AEBP2: variants seen among roughly 807,000 people sequenced by gnomAD.
The protein encoded by AEBP2 is AE binding protein 2, also known as zinc finger protein AEBP2.
In AEBP2, 10 loss-of-function variants were observed where a neutral mutation model predicts 50.8. The ratio of observed to expected loss-of-function variants is 0.20; its 90% confidence interval spans 0.12 to 0.33. The LOEUF is 0.33. Among genes scored for constraint, AEBP2 ranks in the 10% least tolerant of loss-of-function variants. The pLI is 1.00. For synonymous variants in AEBP2, 296 were observed against 261.3 expected (o/e 1.13, Z -1.28); for missense variants, 570 against 688.0 (o/e 0.83, Z 1.92).
upstream of AEBP2, among the ~76,000 whole-genome samples, chr12:19,435,187 T>C (rs1037445861): frequency 6.6e-6 from 1 of 151,834 alleles, no homozygotes; most frequent in African/African-American, 2.4e-5. Flanking sequence ...TGAAGTGCAG[T>C]GGTGCTTGGC....
chr12:19,512,157 G>A (rs1407596891), intron 5 of AEBP2, among the ~76,000 whole-genome samples: 1 of 152,024 alleles, frequency 6.6e-6, no homozygotes, highest in Non-Finnish European at 1.5e-5. Context: ...GAGTAGCTGG[G>A]ACTGCAGAAG....
At chr12:19,434,187 T>G (rs2095753050) in intron 1 of AEBP2, among the ~76,000 whole-genome samples, 1 of 151,570 alleles carries the variant, frequency 6.6e-6, no homozygotes, top group African/African-American at 2.4e-5. Context: ...TTTTTTTTTT[T>G]TTTGAGATGG....
chr12:19,479,717 G>GGTTTTTTTT (rs1948697902), intron 3 of AEBP2, among the ~76,000 whole-genome samples: 1 of 22,314 alleles, frequency 4.5e-5, no homozygotes, highest in Non-Finnish European at 9.0e-5. Context: ...CTCTTTGTGG[G>GGTTTTTTTT]TTTTTTTTTT....
intron 3 of AEBP2, among the ~76,000 whole-genome samples, chr12:19,493,142 C>T (rs1948919428): frequency 6.6e-6 from 1 of 152,186 alleles, no homozygotes; most frequent in Non-Finnish European, 1.5e-5. Context: ...TGGCTTACAC[C>T]TGTAATCCCA....
chr12:19,513,083 A>G (rs1390056793), intron 6 of AEBP2, among the ~76,000 whole-genome samples: 1 of 152,194 alleles, frequency 6.6e-6, no homozygotes, highest in Non-Finnish European at 1.5e-5. Context: ...TCTCAAAAAT[A>G]AAAAAGTAGT....
intron 4 of AEBP2, 99 bp from the exon 5 acceptor site, chr12:19,499,998 T>C: frequency 9.0e-7 from 1 of 1,106,076 alleles, no homozygotes. Flanking sequence ...TGAATTTAAA[T>C]ACTATTGATA....
At chr12:19,419,595 T>C (rs1179642101) in intron 1 of AEBP2, among the ~76,000 whole-genome samples, 2 of 123,876 alleles carry the variant, frequency 1.6e-5, no homozygotes, top group Admixed American at 8.4e-5. Flanking sequence ...TCTCAAAAAA[T>C]AATAATAAAA....
At chr12:19,449,160 C>G (rs1177953402) in intron 1 of AEBP2, among the ~76,000 whole-genome samples, 1 of 151,998 alleles carries the variant, frequency 6.6e-6, no homozygotes, top group Non-Finnish European at 1.5e-5. Context: ...TGATATTTTT[C>G]CTCAAAATTT....
chr12:19,483,333 C>T (rs976343958), intron 3 of AEBP2, among the ~76,000 whole-genome samples: 2 of 152,202 alleles, frequency 1.3e-5, no homozygotes, highest in African/African-American at 4.8e-5. Context: ...AGGTTAAATC[C>T]GTCTCGTCTC....
At chr12:19,456,930 G>T in intron 1 of AEBP2, 1 of 1,457,646 alleles carries the variant, frequency 6.9e-7, no homozygotes, top group Non-Finnish European at 9.6e-7. Flanking sequence ...TTGGTGGTAG[G>T]ATGTAGTCCA....
At chr12:19,498,694 T>G (rs1253420059) in intron 4 of AEBP2, among the ~76,000 whole-genome samples, 1 of 152,180 alleles carries the variant, frequency 6.6e-6, no homozygotes, top group Admixed American at 6.5e-5. Context: ...CAACTTATTT[T>G]GAGCAACTTT....
intron 1 of AEBP2, chr12:19,413,271 T>A: frequency 8.0e-7 from 1 of 1,255,904 alleles, no homozygotes; most frequent in East Asian, 2.3e-5. Flanking sequence ...TTAGCACTTG[T>A]AAAGCCTGAA....
chr12:19,438,273 A>G (rs1007174935), upstream of AEBP2, among the ~76,000 whole-genome samples: 1 of 152,230 alleles, frequency 6.6e-6, no homozygotes, highest in Non-Finnish European at 1.5e-5. Context: ...CAGATCATTA[A>G]AAGTATTTTT....
chr12:19,500,168 T>A lies in AEBP2; in HGVS notation c.1246T>A (p.Ser416Thr). 1 of 1,598,646 alleles carries A rather than the reference T, an allele frequency of 6.3e-7. No individual in the cohort carries two copies. Among genetic ancestry groups the A allele is most frequent in the Non-Finnish European group, 8.5e-7 (1 of 1,172,320 alleles). ...ACATCGAGCCATATGCTTTAACCTC[T>A]CAGCTCATATAGAAAGTTTAGGGAA... Reference protein sequence around the residue: ...IRHRAICFNLSAHIESLGKGH... With the variant: ...IRHRAICFNLTAHIESLGKGH... The change falls in exon 5 of 8, where the codon TCA (serine) becomes ACA (threonine). Residue 416 changes from serine (S) to threonine (T), a missense_variant. Coordinates refer to ENST00000266508, the MANE Select transcript of AEBP2 (RefSeq NM_153207.5).
intron 3 of AEBP2, among the ~76,000 whole-genome samples, chr12:19,480,461 T>G (rs1311674466): frequency 6.6e-6 from 1 of 152,218 alleles, no homozygotes; most frequent in African/African-American, 2.4e-5. Context: ...AGAACTTCTT[T>G]TAGCATTTCT....
chr12:19,465,809 T>G (rs1312076339), intron 2 of AEBP2, among the ~76,000 whole-genome samples: 35 of 110,658 alleles, frequency 3.2e-4, no homozygotes, highest in African/African-American at 1.3e-3. Flanking sequence ...TTTTTTTTTT[T>G]GAGATGGAGT....
At chr12:19,440,653 A>C in intron 1 of AEBP2, 4 of 1,530,778 alleles carry the variant, frequency 2.6e-6, no homozygotes, top group South Asian at 2.4e-5. Flanking sequence ...TCTAACTCGG[A>C]AACAGTCCCC....
chr12:19,467,267 CAA>C lies in AEBP2; in HGVS notation c.879+4553_879+4554del, dbSNP rs372571157. Among the ~76,000 whole-genome samples, 159 of 151,458 alleles carry C rather than the reference CAA, an allele frequency of 1.0e-3. 1 individual carries two copies. The highest frequency in any genetic ancestry group is 3.8e-3 in the African/African-American group (155 of 41,306). On this transcript the variant is annotated intron_variant, in intron 2 of 7. Transcript: ENST00000266508. ...CTTTCTGCAATTTCAAAAATAAAAA[CAA>C]AACAGGCAAAGAGAGAATCAAACCT...
intron 5 of AEBP2, among the ~76,000 whole-genome samples, chr12:19,506,485 A>G (rs1290689808): frequency 6.6e-6 from 1 of 152,186 alleles, no homozygotes; most frequent in African/African-American, 2.4e-5. Context: ...TACCCATTGA[A>G]AGTATACATT....
Sources: gnomAD v4.1 joint callset for allele counts (sites outside exome capture counted in the v4.1 genomes callset) on GRCh38, gnomAD v4.1.1 for gene constraint, MANE v1.5 for transcripts, NCBI Gene and HGNC (gene_info 2026-07-23, HGNC 2026-07-21) for gene names.